ZMIZ1: variants seen among roughly 807,000 people sequenced by gnomAD.
ZMIZ1 encodes the protein zinc finger MIZ-type containing 1.
Under a neutral mutation model 113.9 loss-of-function variants are expected in ZMIZ1, and 17 were observed. That is an observed-to-expected ratio of 0.15 (90% CI 0.10 to 0.22). ZMIZ1 has a LOEUF of 0.22. Ranked by LOEUF, ZMIZ1 falls within the 10% of genes least tolerant of loss-of-function variation. ZMIZ1 has a pLI of 1.00. For synonymous variants in ZMIZ1, 607 were observed against 603.1 expected (o/e 1.01, Z -0.09); for missense variants, 1,059 against 1,477.8 (o/e 0.72, Z 4.65).
intron 7 of ZMIZ1, among the ~76,000 whole-genome samples, chr10:79,246,659 G>A (rs1377876358): frequency 6.6e-6 from 1 of 152,186 alleles, no homozygotes; most frequent in African/African-American, 2.4e-5. Flanking sequence ...CAGAGCATCT[G>A]CTGGGCCTCC....
chr10:79,201,566 T>A lies in ZMIZ1; in HGVS notation c.-49-18T>A. On this transcript the variant is annotated intron_variant, in intron 4 of 24. Coordinates refer to ENST00000334512, the MANE Select transcript of ZMIZ1 (RefSeq NM_020338.4). ...GGCCTGGCGTGATCCAGTGACAACC[T>A]CTCCTTTCTCTTCGCAGGCTGGACA... The A allele has an allele frequency of 6.3e-7, 1 of 1,585,934 alleles. No homozygotes were observed. The highest frequency in any genetic ancestry group is 1.7e-5 in the Admixed American group (1 of 59,438).
Position 79,299,044 on chromosome 10 carries a change from C to T in ZMIZ1, c.1667-6C>T. On this transcript the variant is annotated splice_polypyrimidine_tract_variant and splice_region_variant and intron_variant, in intron 15 of 24. Transcript: ENST00000334512. ...GTGGCTCACCCACCTCCTCTCCTCGCCCCAGCCAACCACAATGACGAGCTG... is the reference window on the plus strand; with the variant it reads ...GTGGCTCACCCACCTCCTCTCCTCGTCCCAGCCAACCACAATGACGAGCTG... 1 of 1,604,554 alleles carries T rather than the reference C, an allele frequency of 6.2e-7. No homozygotes were observed. The highest frequency in any genetic ancestry group is 8.5e-7 in the Non-Finnish European group (1 of 1,175,414).
intron 7 of ZMIZ1, among the ~76,000 whole-genome samples, chr10:79,268,585 G>A (rs756826914): frequency 6.6e-6 from 1 of 152,186 alleles, no homozygotes; most frequent in Non-Finnish European, 1.5e-5. Flanking sequence ...TGTGCTAAAC[G>A]CCGTGCTGGG....
intron 2 of ZMIZ1, among the ~76,000 whole-genome samples, chr10:79,130,290 G>T (rs1844700375): frequency 6.6e-6 from 1 of 152,190 alleles, no homozygotes; most frequent in Admixed American, 6.5e-5. Context: ...GCCCAGAGCT[G>T]CCCAGGCCTT....
At chr10:79,214,490 A>G (rs1848643576) in intron 6 of ZMIZ1, among the ~76,000 whole-genome samples, 1 of 152,198 alleles carries the variant, frequency 6.6e-6, no homozygotes, top group Non-Finnish European at 1.5e-5. Flanking sequence ...AGCACGGGAC[A>G]TTTCTCTGAG....
At chr10:79,171,836 A>T (rs559252918) in intron 4 of ZMIZ1, among the ~76,000 whole-genome samples, 2 of 152,276 alleles carry the variant, frequency 1.3e-5, no homozygotes, top group South Asian at 4.1e-4. Flanking sequence ...ATCACTGGGC[A>T]CACACCTGGC....
chr10:79,150,370 C>T (rs1337196318), intron 3 of ZMIZ1, among the ~76,000 whole-genome samples: 8 of 152,292 alleles, frequency 5.3e-5, no homozygotes, highest in Middle Eastern at 3.4e-3. Context: ...CTCTGGCCTG[C>T]GCTGACCCCC....
chr10:79,111,289 C>A (rs1020886821), intron 1 of ZMIZ1, among the ~76,000 whole-genome samples: 4 of 152,170 alleles, frequency 2.6e-5, no homozygotes, highest in African/African-American at 9.7e-5. Flanking sequence ...GGTCATGGGG[C>A]CCAGGTGGGC....
At position 79,224,346 on chromosome 10, in the gene ZMIZ1, G is replaced by T. The variant is rs369586675; in HGVS notation, c.280+8072G>T. Among the ~76,000 whole-genome samples, 121 of 152,284 alleles carry T rather than the reference G, an allele frequency of 7.9e-4. 4 individuals carry two copies. Among genetic ancestry groups the T allele is most frequent in the African/African-American group, 2.6e-3 (107 of 41,554 alleles). On this transcript the variant is annotated intron_variant, in intron 7 of 24. Coordinates refer to ENST00000334512, the MANE Select transcript of ZMIZ1 (RefSeq NM_020338.4). Reference sequence around the variant, plus strand: ...GCAGTCATGGGTTTCTTCAGAGTTTGGTTGGAGTTGGCAGGGGCAGGGTGA... The same window carrying T: ...GCAGTCATGGGTTTCTTCAGAGTTTTGTTGGAGTTGGCAGGGGCAGGGTGA...
intron 1 of ZMIZ1, among the ~76,000 whole-genome samples, chr10:79,103,473 G>A (rs1031182445): frequency 6.6e-6 from 1 of 152,190 alleles, no homozygotes; most frequent in African/African-American, 2.4e-5. Context: ...GCTTGGTTGA[G>A]GGGGAGCGTC....
rs938365418 is a variant in ZMIZ1, at chr10:79,144,246, A to T, written c.-131+4469A>T. Reference sequence around the variant, plus strand: ...TACCTCCATTGAACTGATGGGTAAAACAGGGTTAGAGAGGAAAATTCTTGC... The same window carrying T: ...TACCTCCATTGAACTGATGGGTAAATCAGGGTTAGAGAGGAAAATTCTTGC... On this transcript the variant is annotated intron_variant, in intron 3 of 24. Transcript: ENST00000334512. 4.6e-5 allele frequency among the ~76,000 whole-genome samples: 7 copies of T among 152,184 alleles called. No individual in the cohort carries two copies. In the South Asian group the frequency reaches 1.4e-3, roughly 31 times the overall value.
intron 1 of ZMIZ1, among the ~76,000 whole-genome samples, chr10:79,098,277 C>G (rs966956872): frequency 6.6e-6 from 1 of 152,144 alleles, no homozygotes; most frequent in South Asian, 2.1e-4. Flanking sequence ...TTTGGCCAGG[C>G]CAGGCCCCAG....
chr10:79,089,359 G>A lies in ZMIZ1; in HGVS notation c.-337+20089G>A, dbSNP rs74591250. ...TGTGGAAGAGTGGCATCAACAACAC[G>A]AGGTGCTCCCCATCCATCCGGCTCA... On this transcript the variant is annotated intron_variant, in intron 1 of 24. Coordinates refer to ENST00000334512, the MANE Select transcript of ZMIZ1 (RefSeq NM_020338.4). Among the ~76,000 whole-genome samples, 61 of 152,340 alleles carry A rather than the reference G, an allele frequency of 4.0e-4. 1 individual carries two copies. The East Asian group carries it at 0.011, about 28-fold the overall frequency.
At chr10:79,288,519 C>T (rs181126030) in intron 8 of ZMIZ1, among the ~76,000 whole-genome samples, 1 of 148,596 alleles carries the variant, frequency 6.7e-6, no homozygotes, top group Admixed American at 6.6e-5. Flanking sequence ...CCCCAACACA[C>T]ATACGCACAC....
chr10:79,295,280 G>A lies in ZMIZ1; in HGVS notation c.1231-1191G>A, dbSNP rs541493788. The A allele has an allele frequency of 2.6e-5, 4 of 152,364 alleles. No individual in the cohort carries two copies. In the South Asian group the frequency reaches 8.3e-4, roughly 32 times the overall value. The allele number at this position is 152,364 out of a possible 1,614,324, so 9.4% of individuals were successfully genotyped here. A position where few individuals can be genotyped will look rare whatever the true frequency, so the allele number is the denominator to read the frequency against. ...ACCCCTGCACCTGCACCTGTGCCAT[G>A]CTTATGGCTCTTGCCTGCCTAAAGA... On this transcript the variant is annotated intron_variant, in intron 12 of 24. Coordinates refer to ENST00000334512, the MANE Select transcript of ZMIZ1 (RefSeq NM_020338.4).
At chr10:79,107,410 C>T (rs1763475028) in intron 1 of ZMIZ1, among the ~76,000 whole-genome samples, 1 of 152,180 alleles carries the variant, frequency 6.6e-6, no homozygotes, top group Non-Finnish European at 1.5e-5. Flanking sequence ...ACACGGGGCT[C>T]TTGTGAGTAT....
At chr10:79,271,035 G>A (rs1386000725) in intron 7 of ZMIZ1, among the ~76,000 whole-genome samples, 1 of 152,174 alleles carries the variant, frequency 6.6e-6, no homozygotes, top group Non-Finnish European at 1.5e-5. Context: ...TTTGCTTCCT[G>A]CATCTCAGAG....
intron 4 of ZMIZ1, among the ~76,000 whole-genome samples, chr10:79,185,691 G>A (rs2132590212): frequency 6.6e-6 from 1 of 152,312 alleles, no homozygotes; most frequent in African/African-American, 2.4e-5. Flanking sequence ...AGTGAAGGGA[G>A]GGTTTTTGGA....
intron 1 of ZMIZ1, among the ~76,000 whole-genome samples, chr10:79,070,141 G>C (rs1279587528): frequency 2.0e-5 from 3 of 149,958 alleles, no homozygotes; most frequent in Non-Finnish European, 4.5e-5. Context: ...GGCTGGAGCC[G>C]GGGTCGGGGG....
Sources: allele counts gnomAD v4.1 joint callset (sites outside exome capture counted in the v4.1 genomes callset), GRCh38; gene constraint gnomAD v4.1.1; transcripts MANE v1.5; gene names NCBI Gene and HGNC (gene_info 2026-07-23, HGNC 2026-07-21).